CFTR: variants seen among roughly 807,000 people sequenced by gnomAD.
The protein encoded by CFTR is cystic fibrosis transmembrane conductance regulator.
A neutral mutation model predicts 171.6 loss-of-function variants in CFTR; 181 were observed. The ratio of observed to expected loss-of-function variants is 1.05; its 90% CI spans 0.93 to 1.19. CFTR has a LOEUF of 1.19. CFTR is among the 50% of genes most tolerant of loss of function. CFTR has a pLI of 0.00. For missense variants in CFTR, 1,968 were observed against 1,734.7 expected (o/e 1.13, Z -2.39); for synonymous variants, 583 against 608.0 (o/e 0.96, Z 0.60).
At chr7:117,523,711 C>T (rs1798722970) in intron 3 of CFTR, among the ~76,000 whole-genome samples, 1 of 152,186 alleles carries the variant, frequency 6.6e-6, no homozygotes, top group South Asian at 2.1e-4. Context: ...GCATTCCACT[C>T]AAATTAATAC....
intron 21 of CFTR, among the ~76,000 whole-genome samples, chr7:117,627,129 A>G (rs1042380639): frequency 6.6e-6 from 1 of 152,128 alleles, no homozygotes; most frequent in Non-Finnish European, 1.5e-5. Flanking sequence ...TTCGAGAGAA[A>G]GAGAAGAATC....
chr7:117,604,610 C>T (rs1048172698), intron 17 of CFTR, among the ~76,000 whole-genome samples: 3 of 152,108 alleles, frequency 2.0e-5, no homozygotes, highest in African/African-American at 7.2e-5. Context: ...ATCTAAAAAA[C>T]TCAAGATAAG....
intron 22 of CFTR, among the ~76,000 whole-genome samples, chr7:117,628,823 GT>G (rs1453935526): frequency 1.3e-5 from 2 of 152,032 alleles, no homozygotes; most frequent in Admixed American, 6.6e-5. Context: ...AACACCATAG[GT>G]ATTCATATCA....
intron 6 of CFTR, among the ~76,000 whole-genome samples, chr7:117,536,105 T>A (rs1249670680): frequency 1.3e-5 from 2 of 152,236 alleles, no homozygotes; most frequent in Non-Finnish European, 2.9e-5. Context: ...TATGAGTGAA[T>A]GAATGACTTA....
chr7:117,667,583 C>T lies in CFTR; in HGVS notation c.*475C>T. ...ATAAGCTTGTATTCCTTTTTCTCTC[C>T]TCTCCCCATGATGTTTAGAAACACA... On this transcript the variant is annotated 3_prime_UTR_variant, in exon 27 of 27. Transcript: ENST00000003084. 1 of 247,154 alleles carries T rather than the reference C, an allele frequency of 4.0e-6. No homozygotes were observed. Among genetic ancestry groups the T allele is most frequent in the Non-Finnish European group, 8.0e-6 (1 of 125,410 alleles). 15.3% of individuals were successfully genotyped at this position (247,154 alleles called of 1,614,324 possible).
chr7:117,641,883 G>C (rs888628588), intron 22 of CFTR, among the ~76,000 whole-genome samples: 9 of 152,204 alleles, frequency 5.9e-5, no homozygotes, highest in African/African-American at 1.9e-4. Context: ...CATTCACTGA[G>C]GAGTGGTAAG....
At chr7:117,489,618 G>A (rs1798125119) in intron 1 of CFTR, among the ~76,000 whole-genome samples, 1 of 151,814 alleles carries the variant, frequency 6.6e-6, no homozygotes, top group Non-Finnish European at 1.5e-5. Context: ...GCCCACATAT[G>A]GTGTAGTGAC....
chr7:117,619,255 A>G (rs920409342), intron 21 of CFTR, among the ~76,000 whole-genome samples: 1 of 152,154 alleles, frequency 6.6e-6, no homozygotes. Context: ...ATTCTTAGCT[A>G]CTTAAGCATT....
intron 21 of CFTR, among the ~76,000 whole-genome samples, chr7:117,616,722 G>GATCTTTATA (rs2116101930): frequency 6.6e-6 from 1 of 152,090 alleles, no homozygotes; most frequent in African/African-American, 2.4e-5. Flanking sequence ...TCTTTGCAAG[G>GATCTTTATA]ACCTATTGTG....
At chr7:117,644,763 C>T (rs1386327550) in intron 23 of CFTR, among the ~76,000 whole-genome samples, 1 of 152,068 alleles carries the variant, frequency 6.6e-6, no homozygotes, top group African/African-American at 2.4e-5. Context: ...GGAGAATCTG[C>T]CAGCTTGGAA....
At chr7:117,576,917 T>G (rs540436616) in intron 11 of CFTR, among the ~76,000 whole-genome samples, 13 of 152,232 alleles carry the variant, frequency 8.5e-5, no homozygotes, top group African/African-American at 2.9e-4. Context: ...TAATTAAGCT[T>G]GCCCTGGCTC....
intron 21 of CFTR, among the ~76,000 whole-genome samples, chr7:117,625,680 G>T (rs578227495): frequency 1.2e-4 from 18 of 152,242 alleles, no homozygotes; most frequent in South Asian, 6.2e-4. Context: ...ATCTACATTT[G>T]TGTATACCCT....
chr7:117,617,701 A>G (rs1001163511), intron 21 of CFTR, among the ~76,000 whole-genome samples: 1 of 151,944 alleles, frequency 6.6e-6, no homozygotes, highest in African/African-American at 2.4e-5. Flanking sequence ...TCTTGCTCCT[A>G]TATTCAGGAG....
chr7:117,480,048 G>A lies in CFTR; in HGVS notation c.-47G>A. On this transcript the variant is annotated 5_prime_UTR_variant, in exon 1 of 27. Transcript: ENST00000003084. ...GAGTAGTAGGTCTTTGGCATTAGGA[G>A]CTTGAGCCCAGACGGCCCTAGCAGG... 4 of 1,591,130 alleles carry A rather than the reference G, an allele frequency of 2.5e-6. No individual in the cohort carries two copies. The highest frequency in any genetic ancestry group is 3.5e-6 in the Non-Finnish European group (4 of 1,159,310).
At chr7:117,588,392 T>C (rs1246085028) in intron 12 of CFTR, among the ~76,000 whole-genome samples, 4 of 152,138 alleles carry the variant, frequency 2.6e-5, no homozygotes, top group African/African-American at 9.7e-5. Context: ...TTTAAAGCTG[T>C]CAAAGAGATG....
At chr7:117,661,119 A>G (rs1407110618) in intron 24 of CFTR, among the ~76,000 whole-genome samples, 1 of 152,196 alleles carries the variant, frequency 6.6e-6, no homozygotes, top group African/African-American at 2.4e-5. Flanking sequence ...ACCAAAACCT[A>G]TTAGCATGTC....
At chr7:117,629,136 A>C (rs1347430055) in intron 22 of CFTR, among the ~76,000 whole-genome samples, 3 of 152,192 alleles carry the variant, frequency 2.0e-5, no homozygotes, top group Non-Finnish European at 4.4e-5. Context: ...AAAATGAGAA[A>C]GAAGTAATAT....
At chr7:117,656,488 T>A (rs759606785) in intron 24 of CFTR, among the ~76,000 whole-genome samples, 3 of 152,174 alleles carry the variant, frequency 2.0e-5, no homozygotes, top group African/African-American at 7.2e-5. Context: ...TAAAATGGAA[T>A]AAAATTTTCT....
chr7:117,549,273 ATATAT>A (rs769236837), intron 10 of CFTR, among the ~76,000 whole-genome samples: 14 of 152,302 alleles, frequency 9.2e-5, no homozygotes, highest in African/African-American at 3.1e-4. Context: ...TTTGCTTATG[ATATAT>A]TATAAGGAAA....
Sources: gnomAD v4.1 joint callset for allele counts (sites outside exome capture counted in the v4.1 genomes callset) on GRCh38, gnomAD v4.1.1 for gene constraint, MANE v1.5 for transcripts, NCBI Gene and HGNC (gene_info 2026-07-23, HGNC 2026-07-21) for gene names.